Variants in USP35 observed in about 807,000 individuals in gnomAD.
USP35 encodes the protein ubiquitin specific peptidase 35.
USP35 carries 69 observed loss-of-function variants against 83.8 expected under a neutral mutation model. That is an observed-to-expected ratio of 0.82 (90% CI 0.68 to 1.01). USP35 has a LOEUF of 1.01. Ranked by LOEUF, USP35 falls within the 50% of genes least tolerant of loss-of-function variation. USP35 has a pLI of 0.00. For missense variants in USP35, 1,503 were observed against 1,362.5 expected, an observed-to-expected ratio of 1.10 and a Z score of -1.62; for synonymous variants, 714 against 589.5, an observed-to-expected ratio of 1.21 and a Z score of -3.06.
intron 10 of USP35, among the ~76,000 whole-genome samples, chr11:78,212,562 A>G (rs376218375): frequency 1.3e-5 from 2 of 149,056 alleles, no homozygotes; most frequent in Non-Finnish European, 3.0e-5. Context: ...CTTCCTATCT[A>G]TCTGTGAGCA....
Position 78,214,727 on chromosome 11 carries a change from G to C in USP35, c.*914G>C, listed in dbSNP as rs1196432318. ...CTAAGCAAGAGATTGTTCTTCCTTG[G>C]ACTCAGGGGCTGTGATGGCCACTGG... On this transcript the variant is annotated 3_prime_UTR_variant, in exon 11 of 11. Transcript: ENST00000529308. 1 of 152,068 alleles carries C rather than the reference G, an allele frequency of 6.6e-6. No individual in the cohort carries two copies. Among genetic ancestry groups the C allele is most frequent in the Non-Finnish European group, 1.5e-5 (1 of 68,066 alleles). The allele number at this position is 152,068 out of a possible 1,614,324, so 9.4% of individuals were successfully genotyped here.
At chr11:78,220,221 A>G (rs2134451536), downstream of USP35, 1 of 1,255,596 alleles carries the variant, frequency 8.0e-7, no homozygotes, top group Non-Finnish European at 1.1e-6. Flanking sequence ...AGGGAGGCTG[A>G]GTGCTGCTGT....
chr11:78,197,103 C>G (rs1863176137), intron 2 of USP35, among the ~76,000 whole-genome samples, 185 bp downstream of exon 2: 1 of 152,162 alleles, frequency 6.6e-6, no homozygotes, highest in African/African-American at 2.4e-5. Flanking sequence ...TCTAGAGCAC[C>G]TGCTGTGGGT....
At chr11:78,190,359 T>A (rs979285836) in intron 1 of USP35, among the ~76,000 whole-genome samples, 1 of 152,228 alleles carries the variant, frequency 6.6e-6, no homozygotes, top group African/African-American at 2.4e-5. Context: ...CTTTCTTGAC[T>A]GATGTTTAAG....
chr11:78,196,575 G>T lies in USP35; in HGVS notation c.330G>T (p.Leu110=). The T allele has an allele frequency of 1.6e-6, 2 of 1,243,714 alleles. No homozygotes were observed. Among genetic ancestry groups the T allele is most frequent in the Non-Finnish European group, 1.0e-6 (1 of 991,510 alleles). 77.0% of individuals were successfully genotyped at this position (1,243,714 alleles called of 1,614,324 possible). A position where few individuals can be genotyped will look rare whatever the true frequency, so the allele number is the denominator to read the frequency against. Residue 110 remains leucine (L), a synonymous_variant, in exon 2 of 11, where the codon CTG becomes CTT. Transcript: ENST00000529308. The surrounding 1 kb of genome is among the most constrained non-coding windows in gnomAD (Gnocchi z 4.8). ...ALACVQLGLQ[L]LPEGPAADEV... is the part of the protein sequence containing the mutation. ...CCTGCGTGCAGCTGGGTCTGCAGCT[G>T]CTGCCCGAGGGGCCTGCGGCCGACG...
intron 7 of USP35, among the ~76,000 whole-genome samples, chr11:78,206,950 C>T (rs993836382): frequency 2.0e-4 from 31 of 152,288 alleles, no homozygotes; most frequent in Admixed American, 1.7e-3. Flanking sequence ...GGGTCCTCTT[C>T]GTTTAGCGTA....
intron 2 of USP35, 95 bp downstream of exon 2, chr11:78,197,013 G>A: frequency 7.3e-7 from 1 of 1,374,170 alleles, no homozygotes; most frequent in Non-Finnish European, 9.4e-7. Context: ...GCATGCGGGC[G>A]CCCGTGTGGC....
Position 78,210,166 on chromosome 11 carries a change from C to G in USP35, c.2311C>G (p.Pro771Ala), listed in dbSNP as rs777898859. 6.1e-5 allele frequency: 99 copies of G among 1,613,618 alleles called. No individual in the cohort carries two copies. Among genetic ancestry groups the G allele is most frequent in the Non-Finnish European group, 8.1e-5 (96 of 1,179,856 alleles). The change falls in exon 10 of 11, where the codon CCC becomes GCC. Residue 771 changes from proline (P) to alanine (A), a missense_variant. Transcript: ENST00000529308. ...GGACCTGGTTAACTACTTCCTGTCC[C>G]CCGAGAAGCTGACAGCAGAAAACCG... ...VLDLVNYFLSPEKLTAENRYY... is the reference protein window; with the variant it reads ...VLDLVNYFLSAEKLTAENRYY...
the USP35 span, among the ~76,000 whole-genome samples, chr11:78,230,657 T>C: frequency 6.6e-6 from 1 of 152,232 alleles, no homozygotes; most frequent in African/African-American, 2.4e-5. Context: ...TGATAGATAA[T>C]AGTGACACAT....
chr11:78,200,377 AT>A, intron 5 of USP35, 143 bp downstream of exon 5: 1 of 1,046,386 alleles, frequency 9.6e-7, no homozygotes, highest in South Asian at 1.4e-5. Flanking sequence ...AAGCAGCTGG[AT>A]CGTGGGCTCT....
intron 1 of USP35, among the ~76,000 whole-genome samples, chr11:78,194,330 G>C (rs1364004237): frequency 6.6e-6 from 1 of 152,220 alleles, no homozygotes; most frequent in Non-Finnish European, 1.5e-5. Flanking sequence ...AACAGAGCAG[G>C]GAGCTCACTG....
downstream of USP35, chr11:78,217,064 C>G (rs1864183174): frequency 6.6e-6 from 1 of 152,546 alleles, no homozygotes; most frequent in African/African-American, 2.4e-5. Context: ...CCCTCCTCCT[C>G]TGTAAAAATC....
chr11:78,192,261 G>A (rs1263611988), intron 1 of USP35, among the ~76,000 whole-genome samples: 1 of 152,180 alleles, frequency 6.6e-6, no homozygotes, highest in African/African-American at 2.4e-5. Context: ...CGGTTGGTGC[G>A]GGGCAGCTGT....
intron 1 of USP35, among the ~76,000 whole-genome samples, chr11:78,193,367 A>AT (rs796844904): frequency 0.034 from 4,536 of 131,734 alleles, 149 homozygotes; most frequent in African/African-American, 0.081. Context: ...AATTGATGTA[A>AT]TTTTTTTTTT....
At position 78,209,327 on chromosome 11, in the gene USP35, A is replaced by G; in HGVS notation, c.1593-121A>G. ...GGATGTGTGGGTGTTTGGTGTGTGCATGTGTGTTTGTGTGCGTCTCAATGT... is the reference window on the plus strand; with the variant it reads ...GGATGTGTGGGTGTTTGGTGTGTGCGTGTGTGTTTGTGTGCGTCTCAATGT... On this transcript the variant is annotated intron_variant, in intron 9 of 10. Transcript: ENST00000529308. The G allele has an allele frequency of 2.8e-6, 3 of 1,062,072 alleles. 1 individual carries two copies. In the South Asian group the frequency reaches 4.9e-5, roughly 17 times the overall value. The allele number at this position is 1,062,072 out of a possible 1,614,324, so 65.8% of individuals were successfully genotyped here. A position where few individuals can be genotyped will look rare whatever the true frequency, so the allele number is the denominator to read the frequency against.
chr11:78,229,083 T>A, the USP35 span, among the ~76,000 whole-genome samples: 3 of 152,212 alleles, frequency 2.0e-5, no homozygotes, highest in East Asian at 5.8e-4. Context: ...TGGATGCAAA[T>A]CATTACAGTC....
In USP35 at chr11:78,192,495, C is replaced by T. The variant is rs547304794; in HGVS notation, c.-11+3338C>T. On this transcript the variant is annotated intron_variant, in intron 1 of 10. Coordinates refer to ENST00000529308, the MANE Select transcript of USP35 (RefSeq NM_020798.4). The stretch of plus-strand genomic sequence containing the variant: ...CAGGTGAGGTGCAAGCCTCTAAAAC[C>T]CTTTTGTCTGAGTGCATGCAAGATA... Among the ~76,000 whole-genome samples, 5 of 152,312 alleles carry T rather than the reference C, an allele frequency of 3.3e-5. No individual in the cohort carries two copies. In the East Asian group the frequency reaches 9.6e-4, roughly 29 times the overall value.
Position 78,209,833 on chromosome 11 carries a change from G to A in USP35, c.1978G>A (p.Glu660Lys), listed in dbSNP as rs377418798. 16 of 1,613,318 alleles carry A rather than the reference G, an allele frequency of 9.9e-6. No individual in the cohort carries two copies. Among genetic ancestry groups the A allele is most frequent in the African/African-American group, 2.7e-5 (2 of 74,838 alleles). Residue 660 changes from glutamate to lysine, a missense_variant, in exon 10 of 11, where the codon GAA becomes AAA. Coordinates refer to ENST00000529308, the MANE Select transcript of USP35 (RefSeq NM_020798.4). ...CACCCCCCCCACCAGCCTGTACATC[G>A]AAGGCCTGGACTCCAAGGAAGCTGG... ...EDTPPTSLYI[E>K]GLDSKEAGGQ...
intron 10 of USP35, among the ~76,000 whole-genome samples, chr11:78,211,047 G>A (rs991231267): frequency 1.3e-5 from 2 of 152,124 alleles, no homozygotes; most frequent in Non-Finnish European, 2.9e-5. Flanking sequence ...CATCACCTAA[G>A]TATTAAACCC....
Sources: allele counts gnomAD v4.1 joint callset (sites outside exome capture counted in the v4.1 genomes callset), GRCh38; gene constraint gnomAD v4.1.1; non-coding constraint Gnocchi (gnomAD v3.1); transcripts MANE v1.5; gene names NCBI Gene and HGNC (gene_info 2026-07-23, HGNC 2026-07-21).